Variants in GRIK2 observed in about 807,000 individuals in gnomAD.
GRIK2 encodes the protein glutamate ionotropic receptor kainate type subunit 2.
Under a neutral mutation model 100.3 loss-of-function variants are expected in GRIK2, and 32 were observed. The observed-to-expected ratio is 0.32, with a 90% CI of 0.24 to 0.43. The LOEUF (loss-of-function observed/expected upper bound fraction) is 0.43, where lower values mean the gene tolerates loss of function less well. GRIK2 is among the 20% of genes least tolerant of loss of function. GRIK2 has a pLI of 1.00. For synonymous variants in GRIK2, 417 were observed against 389.4 expected (o/e 1.07, Z -0.83); for missense variants, 843 against 1,114.9 (o/e 0.76, Z 3.47).
chr6:101,818,349 A>G (rs1781759480), intron 9 of GRIK2, 21 bp from the exon 10 acceptor site: 2 of 1,348,672 alleles, frequency 1.5e-6, no homozygotes, highest in Non-Finnish European at 2.1e-6. Context: ...CAATTTACAA[A>G]GTACATATGC....
At chr6:101,980,163 G>T (rs1793629003) in intron 14 of GRIK2, among the ~76,000 whole-genome samples, 1 of 151,916 alleles carries the variant, frequency 6.6e-6, no homozygotes, top group African/African-American at 2.4e-5. Flanking sequence ...TCCACTCCCT[G>T]TTATATCCCA....
chr6:101,434,948 G>A lies in GRIK2; in HGVS notation c.115+35556G>A, dbSNP rs1032662562. On this transcript the variant is annotated intron_variant, in intron 2 of 16. Coordinates refer to ENST00000369134, the MANE Select transcript of GRIK2 (RefSeq NM_021956.5). The stretch of plus-strand genomic sequence containing the variant: ...AATCTGTTTTTGCTCCTGAGGAAGA[G>A]CCTAAGGAGAAAAGAAAATTCTATC... Among the ~76,000 whole-genome samples the A allele has an allele frequency of 2.7e-5, 3 of 112,130 alleles. No individual in the cohort carries two copies. The Admixed American group carries it at 2.9e-4, about 11-fold the overall frequency. The allele number at this position is 112,130 out of a possible 152,430, so 73.6% of individuals were successfully genotyped here. A position where few individuals can be genotyped will look rare whatever the true frequency, so the allele number is the denominator to read the frequency against.
At chr6:101,827,872 G>T (rs183817095) in intron 10 of GRIK2, among the ~76,000 whole-genome samples, 89 of 151,886 alleles carry the variant, frequency 5.9e-4, no homozygotes, top group African/African-American at 2.1e-3. Flanking sequence ...TTAGAGAGAC[G>T]ATTGAGGCAG....
chr6:102,006,719 ACAAGCC>A (rs2114291785), intron 14 of GRIK2, among the ~76,000 whole-genome samples: 1 of 150,754 alleles, frequency 6.6e-6, no homozygotes, highest in Admixed American at 6.6e-5. Context: ...CTTGACCCCT[ACAAGCC>A]CTGTCATTTT....
At chr6:101,508,968 A>G (rs1434791294) in intron 2 of GRIK2, among the ~76,000 whole-genome samples, 2 of 152,082 alleles carry the variant, frequency 1.3e-5, no homozygotes, top group Admixed American at 6.5e-5. Context: ...ATCCTGGCTA[A>G]CACGGTGAAA....
chr6:101,771,998 G>A (rs1349295302), intron 7 of GRIK2, among the ~76,000 whole-genome samples: 1 of 152,062 alleles, frequency 6.6e-6, no homozygotes, highest in African/African-American at 2.4e-5. Context: ...AAACATACGT[G>A]TGCATGTGTG....
rs1774289987 is a variant in GRIK2 at position 101,511,042 on chromosome 6, T to C, written c.116-110907T>C. On this transcript the variant is annotated intron_variant, in intron 2 of 16. Coordinates refer to ENST00000369134, the MANE Select transcript of GRIK2 (RefSeq NM_021956.5). ...AAGTGGTAACATTACAGGAAACTTG[T>C]AGGACTTTTTACAAACATCCAGTTA... Among the ~76,000 whole-genome samples, 3 of 152,206 alleles carry C rather than the reference T, an allele frequency of 2.0e-5. No individual in the cohort carries two copies. The South Asian group carries it at 6.2e-4, about 32-fold the overall frequency.
chr6:101,687,739 A>C (rs1266421337), intron 7 of GRIK2, among the ~76,000 whole-genome samples: 41 of 151,856 alleles, frequency 2.7e-4, no homozygotes, highest in Admixed American at 2.7e-3. Context: ...AATTTGTTTT[A>C]AAAGAAACAC....
intron 14 of GRIK2, among the ~76,000 whole-genome samples, chr6:101,943,151 T>C (rs994480679): frequency 6.6e-5 from 10 of 152,162 alleles, no homozygotes; most frequent in African/African-American, 2.4e-4. Flanking sequence ...GCTCAGGCCA[T>C]TGTTTCAGAG....
At chr6:101,918,641 A>T (rs1288828023) in intron 12 of GRIK2, among the ~76,000 whole-genome samples, 2 of 151,766 alleles carry the variant, frequency 1.3e-5, no homozygotes, top group Non-Finnish European at 3.0e-5. Flanking sequence ...TTAGAAATAA[A>T]TATTCAGCTC....
intron 2 of GRIK2, among the ~76,000 whole-genome samples, chr6:101,547,297 T>C (rs1776292046): frequency 6.9e-6 from 1 of 145,650 alleles, no homozygotes; most frequent in South Asian, 2.2e-4. Flanking sequence ...TCTGTGCATT[T>C]TTTATTAGCA....
chr6:102,061,113 C>T (rs1444316539), intron 16 of GRIK2, among the ~76,000 whole-genome samples: 2 of 150,410 alleles, frequency 1.3e-5, no homozygotes, highest in African/African-American at 4.8e-5. Context: ...AATGAGGTGT[C>T]AATCTTCATT....
At chr6:101,979,820 T>C (rs190313351) in intron 14 of GRIK2, among the ~76,000 whole-genome samples, 11 of 152,114 alleles carry the variant, frequency 7.2e-5, no homozygotes, top group Admixed American at 2.6e-4. Context: ...CAAATATTCA[T>C]TGAGTTGCTG....
chr6:102,014,093 C>T (rs1795699138), intron 14 of GRIK2, among the ~76,000 whole-genome samples: 1 of 82,060 alleles, frequency 1.2e-5, no homozygotes, highest in Non-Finnish European at 3.1e-5. Flanking sequence ...CTACTTATTA[C>T]TGATTAAATT....
intron 2 of GRIK2, among the ~76,000 whole-genome samples, chr6:101,584,937 AG>A: frequency 6.6e-6 from 1 of 151,934 alleles, no homozygotes; most frequent in Admixed American, 6.6e-5. Flanking sequence ...TTGAGATTTC[AG>A]TAAGTGGAGA....
At chr6:101,831,212 T>G (rs1171490996) in intron 10 of GRIK2, among the ~76,000 whole-genome samples, 1 of 152,160 alleles carries the variant, frequency 6.6e-6, no homozygotes, top group Non-Finnish European at 1.5e-5. Context: ...TTTAATAGTA[T>G]CGAGATATCA....
chr6:101,903,080 G>A (rs1318222416), intron 12 of GRIK2, among the ~76,000 whole-genome samples: 1 of 151,776 alleles, frequency 6.6e-6, no homozygotes, highest in South Asian at 2.1e-4. Context: ...TGTATCCCAG[G>A]CTGGGAAGAA....
intron 2 of GRIK2, among the ~76,000 whole-genome samples, chr6:101,536,133 GTT>G (rs991059294): frequency 6.6e-6 from 1 of 151,430 alleles, no homozygotes. Context: ...GGATAAAAAA[GTT>G]TTTTTGTGTA....
chr6:101,958,778 G>A (rs2128481620), intron 14 of GRIK2, among the ~76,000 whole-genome samples: 1 of 152,124 alleles, frequency 6.6e-6, no homozygotes, highest in East Asian at 1.9e-4. Context: ...AATCTATTGA[G>A]ATGAGCATAT....
Sources: allele counts gnomAD v4.1 joint callset (sites outside exome capture counted in the v4.1 genomes callset), GRCh38; gene constraint gnomAD v4.1.1; transcripts MANE v1.5; gene names NCBI Gene and HGNC (gene_info 2026-07-23, HGNC 2026-07-21).